Variants in TNFRSF19 observed in about 807,000 individuals in gnomAD.
The protein encoded by TNFRSF19 is TNF receptor superfamily member 19, also known as tumor necrosis factor receptor superfamily member 19.
In TNFRSF19, 27 loss-of-function variants were observed where a neutral mutation model predicts 46.4. That is an observed-to-expected ratio of 0.58 (90% CI 0.43 to 0.80). The LOEUF (loss-of-function observed/expected upper bound fraction) is 0.80, where lower values mean the gene tolerates loss of function less well. Among genes scored for constraint, TNFRSF19 ranks in the 30% least tolerant of loss-of-function variants. The pLI, the probability that TNFRSF19 is intolerant of heterozygous loss-of-function variation, is 0.00. For missense variants in TNFRSF19, 511 were observed against 530.8 expected, an observed-to-expected ratio of 0.96 and a Z score of 0.37; for synonymous variants, 204 against 205.0, an observed-to-expected ratio of 1.00 and a Z score of 0.04.
At chr13:23,635,875 T>C (rs115821700) in intron 5 of TNFRSF19, among the ~76,000 whole-genome samples, 1,532 of 152,310 alleles carry the variant, frequency 0.01, 25 homozygotes, top group African/African-American at 0.035. Context: ...TTTACTGAAA[T>C]ATAATGTATA....
intron 5 of TNFRSF19, among the ~76,000 whole-genome samples, chr13:23,639,046 TGATA>T: frequency 6.6e-6 from 1 of 152,320 alleles, no homozygotes; most frequent in East Asian, 1.9e-4. Context: ...TTTATTTTCT[TGATA>T]GAAACATTCA....
At chr13:23,639,397 G>A (rs562895437) in intron 5 of TNFRSF19, among the ~76,000 whole-genome samples, 2 of 152,158 alleles carry the variant, frequency 1.3e-5, no homozygotes, top group South Asian at 4.2e-4. Flanking sequence ...CATCTCAAAA[G>A]ATAATTTAAA....
intron 1 of TNFRSF19, among the ~76,000 whole-genome samples, chr13:23,585,271 C>T (rs1878740110): frequency 1.3e-5 from 2 of 151,662 alleles, no homozygotes; most frequent in Non-Finnish European, 2.9e-5. Flanking sequence ...AAATAGCTTT[C>T]AAGAGATAGG....
At chr13:23,619,711 A>G (rs938275969) in intron 4 of TNFRSF19, among the ~76,000 whole-genome samples, 3 of 152,226 alleles carry the variant, frequency 2.0e-5, no homozygotes, top group Non-Finnish European at 4.4e-5. Context: ...GTTCCCTGAT[A>G]AAAGCCTGTC....
intron 4 of TNFRSF19, among the ~76,000 whole-genome samples, chr13:23,618,115 A>G (rs987938711): frequency 1.3e-5 from 2 of 152,198 alleles, no homozygotes; most frequent in Non-Finnish European, 2.9e-5. Context: ...AAATACAAGC[A>G]GCAAAAGAAA....
chr13:23,578,511 G>A (rs555677847), intron 1 of TNFRSF19, among the ~76,000 whole-genome samples: 1 of 152,304 alleles, frequency 6.6e-6, no homozygotes, highest in South Asian at 2.1e-4. Flanking sequence ...TACTGATGGA[G>A]GGGCTCCAGT....
At chr13:23,592,997 A>G (rs1489456316) in intron 2 of TNFRSF19, among the ~76,000 whole-genome samples, 1 of 146,392 alleles carries the variant, frequency 6.8e-6, no homozygotes, top group African/African-American at 2.5e-5. Flanking sequence ...TTTTTTTTTT[A>G]AATATCTTCT....
chr13:23,601,222 GA>G (rs566361702), intron 3 of TNFRSF19, among the ~76,000 whole-genome samples: 1 of 151,840 alleles, frequency 6.6e-6, no homozygotes, highest in Non-Finnish European at 1.5e-5. Context: ...GAAAAACAAA[GA>G]AAAAACCCTC....
At chr13:23,611,041 C>T (rs1880872933) in intron 3 of TNFRSF19, among the ~76,000 whole-genome samples, 1 of 151,988 alleles carries the variant, frequency 6.6e-6, no homozygotes, top group African/African-American at 2.4e-5. Flanking sequence ...ATCACATATC[C>T]CTTATCCTGA....
Position 23,593,404 on chromosome 13 carries a change from T to C in TNFRSF19, c.129T>C (p.Ser43=). The change falls in exon 3 of 10, where the codon TCT becomes TCC. Residue 43 remains serine (S), a synonymous_variant. Transcript: ENST00000248484. ...DCRQQEFRDR[S]GNCVPCNQCG... ...GACAGCAAGAATTCAGGGATCGGTC[T>C]GGAAACTGTGTTCCCTGCAACCAGT... is the stretch of plus-strand genomic sequence containing the variant. 10 of 1,603,182 alleles carry C rather than the reference T, an allele frequency of 6.2e-6. No individual in the cohort carries two copies. Among genetic ancestry groups the C allele is most frequent in the Non-Finnish European group, 8.5e-6 (10 of 1,177,232 alleles).
rs890876949 is a variant in TNFRSF19, at chr13:23,622,657, C to T, written c.360-4050C>T. Among the ~76,000 whole-genome samples the T allele has an allele frequency of 8.5e-5, 13 of 152,212 alleles. No homozygotes were observed. In the South Asian group the frequency reaches 1.9e-3, roughly 22 times the overall value. On this transcript the variant is annotated intron_variant, in intron 4 of 9. Transcript: ENST00000248484. ...TCATCAATACCTCCCATTTTCCTAA[C>T]TTTTTAAGTGTTAAAAGATGGATTT...
At chr13:23,627,001 C>T (rs1039111295) in intron 5 of TNFRSF19, among the ~76,000 whole-genome samples, 1 of 152,178 alleles carries the variant, frequency 6.6e-6, no homozygotes, top group African/African-American at 2.4e-5. Flanking sequence ...GGATTTGAAT[C>T]TCAGAGTGGA....
At chr13:23,582,897 A>C (rs770990121) in intron 1 of TNFRSF19, among the ~76,000 whole-genome samples, 1 of 152,234 alleles carries the variant, frequency 6.6e-6, no homozygotes, top group African/African-American at 2.4e-5. Context: ...AGGTATCAAA[A>C]GTTAAATCAT....
At chr13:23,605,445 A>G (rs772012706) in intron 3 of TNFRSF19, among the ~76,000 whole-genome samples, 3 of 152,204 alleles carry the variant, frequency 2.0e-5, no homozygotes, top group Non-Finnish European at 4.4e-5. Context: ...TATTTGATCC[A>G]GCAATTGAGC....
intron 5 of TNFRSF19, among the ~76,000 whole-genome samples, chr13:23,640,158 A>G (rs894975494): frequency 1.3e-5 from 2 of 152,138 alleles, no homozygotes; most frequent in African/African-American, 2.4e-5. Context: ...ATGCTGTGGG[A>G]GGCTGTTTGT....
At chr13:23,620,594 TAGA>T (rs1881589472) in intron 4 of TNFRSF19, among the ~76,000 whole-genome samples, 1 of 152,218 alleles carries the variant, frequency 6.6e-6, no homozygotes, top group Admixed American at 6.5e-5. Flanking sequence ...GCAGAATTGT[TAGA>T]AGGATTAGAA....
At chr13:23,578,477 C>G (rs1878120467) in intron 1 of TNFRSF19, among the ~76,000 whole-genome samples, 3 of 152,292 alleles carry the variant, frequency 2.0e-5, no homozygotes, top group African/African-American at 7.2e-5. Flanking sequence ...ATACAACAAC[C>G]TATTCACTCA....
In TNFRSF19 at chr13:23,625,326, C is replaced by CTTT. The variant is rs67965421; in HGVS notation, c.360-1363_360-1361dup. On this transcript the variant is annotated intron_variant, in intron 4 of 9. Transcript: ENST00000248484. ...TCATAAACAATGCTGTGATTGTATT[C>CTTT]TTTTTTTTTTTTTTTTTTTTGAGAC... Among the ~76,000 whole-genome samples, 227 of 107,256 alleles carry CTTT rather than the reference C, an allele frequency of 2.1e-3. 1 individual carries two copies. The highest frequency in any genetic ancestry group is 7.6e-3 in the Middle Eastern group (1 of 132). 70.4% of individuals were successfully genotyped at this position (107,256 alleles called of 152,430 possible).
chr13:23,637,699 G>T (rs1476548753), intron 5 of TNFRSF19, among the ~76,000 whole-genome samples: 1 of 152,218 alleles, frequency 6.6e-6, no homozygotes, highest in African/African-American at 2.4e-5. Context: ...GAAATAATTT[G>T]AGTGTCATCA....
Sources: allele counts gnomAD v4.1 joint callset (sites outside exome capture counted in the v4.1 genomes callset), GRCh38; gene constraint gnomAD v4.1.1; transcripts MANE v1.5; gene names NCBI Gene and HGNC (gene_info 2026-07-23, HGNC 2026-07-21).